PARN: variants seen among roughly 807,000 people sequenced by gnomAD.
PARN encodes poly(A)-specific ribonuclease.
In PARN, 71 loss-of-function variants were observed where a neutral mutation model predicts 102.8. That is an observed-to-expected ratio of 0.69 (90% confidence interval 0.57 to 0.84). PARN has a LOEUF of 0.84. PARN is among the 40% of genes least tolerant of loss of function. The pLI is 0.00. For synonymous variants in PARN, 261 were observed against 252.9 expected (o/e 1.03, Z -0.30); for missense variants, 782 against 760.9 (o/e 1.03, Z -0.33).
At chr16:14,600,365 T>C (rs940051528) in intron 11 of PARN, among the ~76,000 whole-genome samples, 15 of 152,216 alleles carry the variant, frequency 9.9e-5, no homozygotes, top group Non-Finnish European at 2.2e-4. Context: ...TCAAATCAAG[T>C]ATTTTCATAA....
chr16:14,461,360 A>G (rs1444846495), intron 22 of PARN, among the ~76,000 whole-genome samples: 1 of 152,222 alleles, frequency 6.6e-6, no homozygotes, highest in East Asian at 1.9e-4. Context: ...TATTCAGGGT[A>G]GTTTAAACAG....
At chr16:14,487,908 T>A (rs1007962380) in intron 21 of PARN, among the ~76,000 whole-genome samples, 1 of 152,200 alleles carries the variant, frequency 6.6e-6, no homozygotes, top group East Asian at 1.9e-4. Flanking sequence ...CCTCAGTTAT[T>A]CTGGGAAACC....
chr16:14,547,368 T>A (rs1967019618), intron 21 of PARN, among the ~76,000 whole-genome samples: 1 of 152,054 alleles, frequency 6.6e-6, no homozygotes, highest in Non-Finnish European at 1.5e-5. Flanking sequence ...GTTTTAGTAG[T>A]TAGTATAAAA....
intron 22 of PARN, among the ~76,000 whole-genome samples, chr16:14,480,777 C>G (rs919108292): frequency 6.6e-6 from 1 of 152,082 alleles, no homozygotes; most frequent in Non-Finnish European, 1.5e-5. Flanking sequence ...ATCGTCTCTA[C>G]TAAAAATACA....
At chr16:14,477,139 C>T (rs567842997) in intron 22 of PARN, among the ~76,000 whole-genome samples, 3 of 152,216 alleles carry the variant, frequency 2.0e-5, no homozygotes, top group South Asian at 4.1e-4. Flanking sequence ...ACGATGCAAA[C>T]GCTAAGTATA....
intron 21 of PARN, among the ~76,000 whole-genome samples, chr16:14,547,438 G>A (rs1251613743): frequency 6.6e-6 from 1 of 152,136 alleles, no homozygotes; most frequent in Non-Finnish European, 1.5e-5. Context: ...AGGCACAGTG[G>A]CTCACACTTG....
At chr16:14,490,788 G>C (rs1186958677) in intron 21 of PARN, among the ~76,000 whole-genome samples, 3 of 152,120 alleles carry the variant, frequency 2.0e-5, no homozygotes, top group Non-Finnish European at 4.4e-5. Context: ...AAATACAAAA[G>C]TTTTTTCATA....
intron 22 of PARN, among the ~76,000 whole-genome samples, chr16:14,448,463 T>G (rs1961300393): frequency 6.6e-6 from 1 of 152,028 alleles, no homozygotes; most frequent in Non-Finnish European, 1.5e-5. Context: ...AATTTTTGTA[T>G]TTTTAGTAGA....
At chr16:14,512,120 A>G (rs1041155661) in intron 21 of PARN, among the ~76,000 whole-genome samples, 2 of 152,246 alleles carry the variant, frequency 1.3e-5, no homozygotes, top group Non-Finnish European at 2.9e-5. Context: ...TCAGTATGAC[A>G]AAGAATTTAA....
chr16:14,624,422 G>A (rs745960936), intron 5 of PARN, among the ~76,000 whole-genome samples: 4 of 152,048 alleles, frequency 2.6e-5, no homozygotes, highest in South Asian at 2.1e-4. Flanking sequence ...AGAGAATCCC[G>A]GCATTTTTAT....
intron 21 of PARN, among the ~76,000 whole-genome samples, chr16:14,521,236 T>C (rs1965715932): frequency 6.6e-6 from 1 of 152,170 alleles, no homozygotes. Context: ...CAACAGAGAA[T>C]TTCCCCTTCT....
At chr16:14,536,845 A>G (rs1966630976) in intron 21 of PARN, among the ~76,000 whole-genome samples, 1 of 152,220 alleles carries the variant, frequency 6.6e-6, no homozygotes, top group South Asian at 2.1e-4. Context: ...TAAAACTACT[A>G]GAAGAAAACA....
intron 15 of PARN, 88 bp from the exon 16 acceptor site, chr16:14,584,510 C>T (rs1298888795): frequency 2.8e-6 from 3 of 1,074,980 alleles, no homozygotes; most frequent in African/African-American, 1.6e-5. Context: ...AAAAAAAAGA[C>T]AGCATCTAGT....
chr16:14,496,359 A>G (rs1415566423), intron 21 of PARN, among the ~76,000 whole-genome samples: 1 of 152,232 alleles, frequency 6.6e-6, no homozygotes, highest in Non-Finnish European at 1.5e-5. Flanking sequence ...GAAGGTAAGA[A>G]GGAATTTATG....
chr16:14,464,386 A>C (rs1164994608), intron 22 of PARN, among the ~76,000 whole-genome samples: 1 of 152,240 alleles, frequency 6.6e-6, no homozygotes. Flanking sequence ...AAGAAAGTGG[A>C]GCAGTATCTT....
chr16:14,519,961 G>T (rs994676655), intron 21 of PARN, among the ~76,000 whole-genome samples: 2 of 152,022 alleles, frequency 1.3e-5, no homozygotes, highest in Non-Finnish European at 2.9e-5. Context: ...CAAAAAGAGA[G>T]ATACTAGATA....
At chr16:14,485,827 A>G (rs1658202860) in intron 21 of PARN, among the ~76,000 whole-genome samples, 1 of 152,252 alleles carries the variant, frequency 6.6e-6, no homozygotes, top group South Asian at 2.1e-4. Context: ...AGCTTAAACT[A>G]TAGGCGTGCG....
At chr16:14,625,824 C>T (rs528408286) in intron 5 of PARN, among the ~76,000 whole-genome samples, 1 of 152,288 alleles carries the variant, frequency 6.6e-6, no homozygotes. Flanking sequence ...GATGGCAAGA[C>T]TCAAATGAAT....
chr16:14,573,310 T>C (rs1398763343), intron 18 of PARN, among the ~76,000 whole-genome samples: 5 of 152,214 alleles, frequency 3.3e-5, no homozygotes, highest in Admixed American at 1.3e-4. Flanking sequence ...TACTCACTTT[T>C]TGCAGTGAAA....
Sources: gnomAD v4.1 joint callset for allele counts (sites outside exome capture counted in the v4.1 genomes callset) on GRCh38, gnomAD v4.1.1 for gene constraint, MANE v1.5 for transcripts, NCBI Gene and HGNC (gene_info 2026-07-23, HGNC 2026-07-21) for gene names.